Variants in FKTN observed in about 807,000 individuals in gnomAD.
FKTN encodes the protein ribitol-5-phosphate transferase FKTN.
A neutral mutation model predicts 58.6 loss-of-function variants in FKTN; 47 were observed. The ratio of observed to expected loss-of-function variants is 0.80; its 90% confidence interval spans 0.63 to 1.02. FKTN has a LOEUF of 1.02. Ranked by LOEUF, FKTN falls within the 50% of genes least tolerant of loss-of-function variation. The probability of loss-of-function intolerance (pLI) is 0.00; values close to 1 mark genes in which losing one functional copy is unlikely to be tolerated. For synonymous variants in FKTN, 178 were observed against 191.9 expected (o/e 0.93, Z 0.60); for missense variants, 516 against 537.3 (o/e 0.96, Z 0.39).
At chr9:105,632,307 T>A (rs1211043748) in intron 10 of FKTN, among the ~76,000 whole-genome samples, 6 of 151,922 alleles carry the variant, frequency 3.9e-5, no homozygotes, top group Non-Finnish European at 8.8e-5. Context: ...TCGGGAGATA[T>A]ACCTAATGCT....
chr9:105,596,602 GAGCTGGTTTGTCAAAATCCAA>G lies in FKTN; in HGVS notation c.113_133del (p.Ala38_Lys44del). ...GTTCTTTTGTTGTCTTCCTAGAATGGAGCTGGTTTGTCAAAATCCAAAGGAAGCCGAATTGGATTTGATAGC... is the reference window on the plus strand; with the variant it reads ...GTTCTTTTGTTGTCTTCCTAGAATGGAGGAAGCCGAATTGGATTTGATAGC... On this transcript the variant is annotated inframe_deletion, in exon 4 of 11. Transcript: ENST00000357998. The G allele has an allele frequency of 6.2e-7, 1 of 1,611,608 alleles. No homozygotes were observed. Among genetic ancestry groups the G allele is most frequent in the Non-Finnish European group, 8.5e-7 (1 of 1,177,958 alleles).
chr9:105,620,059 C>G lies in FKTN; in HGVS notation c.1170C>G (p.Phe390Leu). The G allele has an allele frequency of 1.2e-6, 2 of 1,609,466 alleles. No individual in the cohort carries two copies. The highest frequency in any genetic ancestry group is 1.7e-6 in the Non-Finnish European group (2 of 1,176,404). Residue 390 changes from phenylalanine to leucine, a missense_variant and splice_region_variant, in exon 10 of 11, where the codon TTC becomes TTG. Coordinates refer to ENST00000357998, the MANE Select transcript of FKTN (RefSeq NM_001079802.2). ...GGTQAKTGKKFKYLFPKFTLC... is the reference protein window; with the variant it reads ...GGTQAKTGKKLKYLFPKFTLC... ...CTCAGGCCAAAACAGGAAAAAAATT[C>G]AAGTATGAATCAAATAAGTACTTAT...
rs116611018 is a variant in FKTN, at chr9:105,608,689, G to C, written c.780+738G>C. ...GGATACGAAAATGAAGTATATAACTGTCAAGTGCCCAAGACCCACAAATCT... is the reference window on the plus strand; with the variant it reads ...GGATACGAAAATGAAGTATATAACTCTCAAGTGCCCAAGACCCACAAATCT... On this transcript the variant is annotated intron_variant, in intron 7 of 10. Transcript: ENST00000357998. 8.2e-3 allele frequency among the ~76,000 whole-genome samples: 1,250 copies of C among 152,332 alleles called. 19 individuals carry two copies. The highest frequency in any genetic ancestry group is 0.029 in the African/African-American group (1,193 of 41,568).
At chr9:105,562,207 A>G (rs536683880) in intron 1 of FKTN, among the ~76,000 whole-genome samples, 9 of 152,360 alleles carry the variant, frequency 5.9e-5, no homozygotes, top group African/African-American at 1.7e-4. Flanking sequence ...CTTAACAATG[A>G]TGCTGGCTGT....
At chr9:105,566,305 G>A (rs2427769) in intron 1 of FKTN, among the ~76,000 whole-genome samples, 102,797 of 151,744 alleles carry the variant, frequency 0.68, 35,180 homozygotes, top group African/African-American at 0.76. Context: ...AGATCAGAGC[G>A]GAACTGCAGG....
At chr9:105,569,108 G>T (rs1295725518) in intron 1 of FKTN, among the ~76,000 whole-genome samples, 1 of 152,128 alleles carries the variant, frequency 6.6e-6, no homozygotes, top group African/African-American at 2.4e-5. Flanking sequence ...TTGGTCACAG[G>T]AAGGGGGACA....
At chr9:105,611,589 A>G (rs1011297611) in intron 7 of FKTN, among the ~76,000 whole-genome samples, 1 of 152,156 alleles carries the variant, frequency 6.6e-6, no homozygotes, top group Non-Finnish European at 1.5e-5. Flanking sequence ...TTATAAAAAC[A>G]TGAAGTATTA....
At position 105,637,424 on chromosome 9, in the gene FKTN, C is replaced by T. The variant is rs992299163; in HGVS notation, c.*2160C>T. On this transcript the variant is annotated 3_prime_UTR_variant, in exon 11 of 11. Coordinates refer to ENST00000357998, the MANE Select transcript of FKTN (RefSeq NM_001079802.2). Reference sequence around the variant, plus strand: ...ATACTTTTCTTGTCTTCTGGTTTCACAGGCTTCAGCTCATGGGTTCCACCC... The same window carrying T: ...ATACTTTTCTTGTCTTCTGGTTTCATAGGCTTCAGCTCATGGGTTCCACCC... 2 of 985,272 alleles carry T rather than the reference C, an allele frequency of 2.0e-6. No individual in the cohort carries two copies. The highest frequency in any genetic ancestry group is 2.4e-6 in the Non-Finnish European group (2 of 829,914). 61.0% of individuals were successfully genotyped at this position (985,272 alleles called of 1,614,324 possible).
At chr9:105,574,337 G>A (rs1841303565) in intron 2 of FKTN, 1 of 152,108 alleles carries the variant, frequency 6.6e-6, no homozygotes, top group Non-Finnish European at 1.5e-5. Flanking sequence ...GACAAGGTAG[G>A]AAGAAGTAGA....
Position 105,635,186 on chromosome 9 carries a change from G to C in FKTN, c.1308G>C (p.Trp436Cys). 6.2e-7 allele frequency: 1 copy of C among 1,614,212 alleles called. No individual in the cohort carries two copies. Among genetic ancestry groups the C allele is most frequent in the Non-Finnish European group, 8.5e-7 (1 of 1,180,044 alleles). ...TWKIPVKTWDWKRSPPNVQPN... is the reference protein window; with the variant it reads ...TWKIPVKTWDCKRSPPNVQPN... ...AGATTCCTGTAAAGACGTGGGACTG[G>C]AAGCGCTCTCCTCCCAATGTGCAAC... The change falls in exon 11 of 11, where the codon TGG (tryptophan) becomes TGC (cysteine). Residue 436 changes from tryptophan to cysteine, a missense_variant. Transcript: ENST00000357998.
intron 5 of FKTN, 74 bp downstream of exon 5, chr9:105,601,422 T>A (rs1389830598): frequency 9.2e-6 from 10 of 1,090,276 alleles, no homozygotes; most frequent in Non-Finnish European, 1.4e-5. Flanking sequence ...TAGTTTAAAA[T>A]GTAAAACATT....
intron 4 of FKTN, 40 bp downstream of exon 4, chr9:105,596,697 C>T: frequency 7.8e-7 from 1 of 1,287,674 alleles, no homozygotes; most frequent in Non-Finnish European, 1.1e-6. Context: ...TTATAATGTT[C>T]ATTTAGTTCA....
At chr9:105,612,517 G>T (rs560906410) in intron 7 of FKTN, among the ~76,000 whole-genome samples, 1 of 151,990 alleles carries the variant, frequency 6.6e-6, no homozygotes, top group Non-Finnish European at 1.5e-5. Flanking sequence ...TATAGTTTTG[G>T]GTTTTACATT....
chr9:105,634,983 C>T, intron 10 of FKTN, 68 bp from the exon 11 acceptor site: 2 of 1,255,718 alleles, frequency 1.6e-6, no homozygotes, highest in Non-Finnish European at 2.3e-6. Flanking sequence ...CAATAATGCA[C>T]TAGCAGCTAG....
At position 105,601,349 on chromosome 9, in the gene FKTN, G is replaced by C. The variant is rs764125009; in HGVS notation, c.369+1G>C. On this transcript the variant is annotated splice_donor_variant, in intron 5 of 10. Coordinates refer to ENST00000357998, the MANE Select transcript of FKTN (RefSeq NM_001079802.2). LOFTEE classifies it high-confidence loss of function. ...GCAGTATCACCTATGGAAGAATGAGGTAAGTGACTTGCTTTCAGATAATGG... is the reference window on the plus strand; with the variant it reads ...GCAGTATCACCTATGGAAGAATGAGCTAAGTGACTTGCTTTCAGATAATGG... The C allele has an allele frequency of 1.9e-6, 3 of 1,583,624 alleles. No homozygotes were observed. The highest frequency in any genetic ancestry group is 2.6e-6 in the Non-Finnish European group (3 of 1,156,808).
At chr9:105,602,579 G>A (rs554410470) in intron 5 of FKTN, among the ~76,000 whole-genome samples, 13 of 152,118 alleles carry the variant, frequency 8.5e-5, no homozygotes, top group Non-Finnish European at 1.6e-4. Flanking sequence ...TTTTTGAGAC[G>A]GAGTCTCGCT....
intron 10 of FKTN, among the ~76,000 whole-genome samples, chr9:105,631,256 G>T (rs981922628): frequency 6.6e-5 from 10 of 152,126 alleles, no homozygotes; most frequent in Admixed American, 5.9e-4. Context: ...TCAGAAAAAC[G>T]TTAGGAATGT....
chr9:105,592,168 C>T (rs1053723558), intron 3 of FKTN, among the ~76,000 whole-genome samples: 1 of 152,246 alleles, frequency 6.6e-6, no homozygotes, highest in Non-Finnish European at 1.5e-5. Context: ...GCTTGAATTC[C>T]TCCCCTGAAA....
chr9:105,599,513 G>A (rs572750573), intron 4 of FKTN, among the ~76,000 whole-genome samples: 2 of 130,068 alleles, frequency 1.5e-5, no homozygotes, highest in African/African-American at 5.8e-5. Flanking sequence ...TCTCTCTGTC[G>A]CCCAGGCTGG....
Sources: gnomAD v4.1 joint callset for allele counts (sites outside exome capture counted in the v4.1 genomes callset) on GRCh38, gnomAD v4.1.1 for gene constraint, MANE v1.5 for transcripts, NCBI Gene and HGNC (gene_info 2026-07-23, HGNC 2026-07-21) for gene names.